DMD: variants seen among roughly 807,000 people sequenced by gnomAD.
The protein encoded by DMD is dystrophin.
DMD carries 63 observed loss-of-function variants against 330.1 expected under a neutral mutation model. The ratio of observed to expected loss-of-function variants is 0.19; its 90% CI spans 0.16 to 0.24. The LOEUF is 0.24. Ranked by LOEUF, DMD falls within the 10% of genes least tolerant of loss-of-function variation. The pLI is 1.00. For missense variants in DMD, 3,344 were observed against 2,684.1 expected (o/e 1.25, Z -5.43); for synonymous variants, 1,223 against 959.8 (o/e 1.27, Z -5.07).
chrX:32,297,375 G>A (rs1198541725), intron 42 of DMD, among the ~76,000 whole-genome samples: 1 of 109,618 alleles, frequency 9.1e-6, no homozygotes, highest in Non-Finnish European at 1.9e-5. Flanking sequence ...CCAGGTTCAA[G>A]CAATTCTCCT....
At chrX:31,882,078 A>G (rs1479711366) in intron 47 of DMD, among the ~76,000 whole-genome samples, 1 of 112,350 alleles carries the variant, frequency 8.9e-6, no homozygotes, top group Non-Finnish European at 1.9e-5. Flanking sequence ...AATTGCAGCA[A>G]CCATTTCTTA....
At chrX:33,100,404 C>T (rs893825700) in intron 1 of DMD, among the ~76,000 whole-genome samples, 24 of 111,387 alleles carry the variant, frequency 2.2e-4, no homozygotes, top group African/African-American at 1.3e-4. Flanking sequence ...AAGATGGAAA[C>T]GATGAAGCCG....
chrX:32,749,260 T>A (rs755784354), intron 7 of DMD, among the ~76,000 whole-genome samples: 12 of 112,348 alleles, frequency 1.1e-4, no homozygotes, highest in African/African-American at 3.9e-4. Flanking sequence ...CTTGTGAAAT[T>A]ATCATTTGAC....
intron 4 of DMD, among the ~76,000 whole-genome samples, chrX:32,837,299 G>C (rs753750948): frequency 7.9e-4 from 88 of 111,739 alleles, no homozygotes; most frequent in South Asian, 1.5e-3. Context: ...TCTTAACCTT[G>C]GACTTCTGGT....
intron 29 of DMD, among the ~76,000 whole-genome samples, chrX:32,423,695 T>A (rs1410902379): frequency 9.0e-6 from 1 of 110,825 alleles, no homozygotes; most frequent in Non-Finnish European, 1.9e-5. Context: ...AATTACTACT[T>A]ACAAAGAAAA....
intron 30 of DMD, among the ~76,000 whole-genome samples, chrX:32,402,846 G>GTT (rs1383809834): frequency 9.0e-6 from 1 of 111,456 alleles, no homozygotes; most frequent in African/African-American, 3.3e-5. Flanking sequence ...TATGGTAAAC[G>GTT]TAAGTGGCCA....
chrX:31,828,091 C>CA (rs1056476266), intron 49 of DMD, among the ~76,000 whole-genome samples: 8 of 110,456 alleles, frequency 7.2e-5, no homozygotes, highest in Non-Finnish European at 1.5e-4. Context: ...GAAGTTGAAA[C>CA]AAAAAAATAC....
intron 42 of DMD, among the ~76,000 whole-genome samples, chrX:32,308,657 G>A (rs888493873): frequency 3.6e-5 from 4 of 110,763 alleles, no homozygotes; most frequent in African/African-American, 6.5e-5. Flanking sequence ...ATTGACATCA[G>A]CTATAATAAT....
At chrX:32,512,275 A>T (rs1296114633) in intron 18 of DMD, among the ~76,000 whole-genome samples, 1 of 111,952 alleles carries the variant, frequency 8.9e-6, no homozygotes, top group East Asian at 2.8e-4. Flanking sequence ...AAAATAAGTT[A>T]TGGATCTCTA....
chrX:32,474,051 T>A (rs1345341441), intron 21 of DMD, among the ~76,000 whole-genome samples: 1 of 111,008 alleles, frequency 9.0e-6, no homozygotes, highest in Non-Finnish European at 1.9e-5. Context: ...ATAGATTATC[T>A]CCCACATATC....
rs57126897 is a variant in DMD, at chrX:32,252,763, A to T, written c.6290+34766T>A. 0.036 allele frequency among the ~76,000 whole-genome samples: 697 copies of T among 19,145 alleles called. 55 individuals carry two copies. The East Asian group carries it at 0.43, about 12-fold the overall frequency. The allele number at this position is 19,145 out of a possible 115,157, so 16.6% of individuals were successfully genotyped here. On this transcript the variant is annotated intron_variant, in intron 43 of 78. Transcript: ENST00000357033. ...ATATATAAATATATATAAATATATA[A>T]ATATATATAAATATATATAAATATA...
chrX:32,034,430 A>T (rs1324801458), intron 44 of DMD, among the ~76,000 whole-genome samples: 2 of 111,713 alleles, frequency 1.8e-5, no homozygotes, highest in Non-Finnish European at 3.8e-5. Context: ...TTAAACACTG[A>T]GTCTCTTCAT....
intron 62 of DMD, among the ~76,000 whole-genome samples, chrX:31,284,770 C>G (rs2053038210): frequency 9.3e-6 from 1 of 106,964 alleles, no homozygotes; most frequent in Non-Finnish European, 1.9e-5. Context: ...TTTGTTCTTC[C>G]TACTCCAACT....
At position 31,627,812 on chromosome X, in the gene DMD, T is replaced by C; in HGVS notation, c.8078A>G (p.Gln2693Arg). ...AAACTTTTCCAGGTCCAGGGGGAAC[T>C]GTTGCAGTAATCTATGAGTTTCTTC... ...ALEETHRLLQ[Q>R]FPLDLEKFLA... Residue 2693 changes from glutamine (Q) to arginine (R), a missense_variant, in exon 55 of 79, where the codon CAG becomes CGG. Coordinates refer to ENST00000357033, the MANE Select transcript of DMD (RefSeq NM_004006.3). 1.7e-6 allele frequency: 2 copies of C among 1,211,041 alleles called. No homozygotes were observed. The highest frequency in any genetic ancestry group is 2.2e-6 in the Non-Finnish European group (2 of 895,197).
intron 38 of DMD, among the ~76,000 whole-genome samples, chrX:32,347,228 G>C (rs1348201734): frequency 9.0e-6 from 1 of 111,160 alleles, no homozygotes; most frequent in Non-Finnish European, 1.9e-5. Context: ...GTCTGTAAAA[G>C]ACTTTACTTA....
chrX:32,614,256 CAG>C, intron 12 of DMD, 45 bp downstream of exon 12: 1 of 1,184,325 alleles, frequency 8.4e-7, no homozygotes. Flanking sequence ...GTACTATACA[CAG>C]AGTTTGCTTT....
At position 32,468,501 on chromosome X, in the gene DMD, A is replaced by G; in HGVS notation, c.3159T>C (p.Ile1053=). The change falls in exon 23 of 79, where the codon ATT becomes ATC. Residue 1053 remains isoleucine (I), a synonymous_variant. Coordinates refer to ENST00000357033, the MANE Select transcript of DMD (RefSeq NM_004006.3). Reference sequence around the variant, plus strand: ...AGAAAGTAAAATCTTGAATTACCTGAATTTTTCGGAGTTTATTCATTTGCT... The same window carrying G: ...AGAAAGTAAAATCTTGAATTACCTGGATTTTTCGGAGTTTATTCATTTGCT... ...LEEQMNKLRK[I]QNHIQTLKKW... The G allele has an allele frequency of 8.3e-7, 1 of 1,202,426 alleles. No homozygotes were observed. Among genetic ancestry groups the G allele is most frequent in the Non-Finnish European group, 1.1e-6 (1 of 889,454 alleles).
intron 44 of DMD, among the ~76,000 whole-genome samples, chrX:32,209,126 T>C (rs1470305329): frequency 8.9e-6 from 1 of 111,885 alleles, no homozygotes; most frequent in African/African-American, 3.2e-5. Context: ...ATATGTTCAT[T>C]CTAATGGAAA....
At chrX:32,632,546 G>A (rs1053519281) in intron 11 of DMD, among the ~76,000 whole-genome samples, 5 of 112,558 alleles carry the variant, frequency 4.4e-5, no homozygotes, top group Non-Finnish European at 9.4e-5. Context: ...CCTGGAGCAG[G>A]CTTCTGCCTG....
Sources: gnomAD v4.1 joint callset for allele counts (sites outside exome capture counted in the v4.1 genomes callset) on GRCh38, gnomAD v4.1.1 for gene constraint, MANE v1.5 for transcripts, NCBI Gene and HGNC (gene_info 2026-07-23, HGNC 2026-07-21) for gene names.